WDR46: variants seen among roughly 807,000 people sequenced by gnomAD.
The protein encoded by WDR46 is WD repeat domain 46, also known as WD repeat-containing protein 46.
A neutral mutation model predicts 74.7 loss-of-function variants in WDR46; 58 were observed. That is an observed-to-expected ratio of 0.78 (90% CI 0.63 to 0.97). The LOEUF (loss-of-function observed/expected upper bound fraction) is 0.97. Ranked by LOEUF, WDR46 falls within the 50% of genes least tolerant of loss-of-function variation. The pLI is 0.00. For synonymous variants in WDR46, 278 were observed against 297.3 expected (o/e 0.93, Z 0.67); for missense variants, 702 against 790.1 (o/e 0.89, Z 1.34).
At chr6:33,286,715 C>A (rs757246152) in intron 10 of WDR46, 80 bp downstream of exon 10, 22 of 1,369,756 alleles carry the variant, frequency 1.6e-5, no homozygotes, top group Non-Finnish European at 2.2e-5. Flanking sequence ...GCTTTAGACT[C>A]TGTGCTCCTA....
At position 33,287,962 on chromosome 6, in the gene WDR46, T is replaced by C. The variant is rs761621076; in HGVS notation, c.623+3A>G. ...TTCAAGAGTCACTAGAATTCAACCT[T>C]ACCTTCCAGTTCGAGAGTAGTTTAG... On this transcript the variant is annotated splice_donor_region_variant and intron_variant, in intron 6 of 14. Coordinates refer to ENST00000374617, the MANE Select transcript of WDR46 (RefSeq NM_005452.6). 5.6e-6 allele frequency: 9 copies of C among 1,614,102 alleles called. No individual in the cohort carries two copies. The East Asian group carries it at 2.0e-4, about 36-fold the overall frequency.
In WDR46 at chr6:33,288,947, G is replaced by A. The variant is rs759255879; in HGVS notation, c.136C>T (p.Arg46Cys). ...TTAGASPGPP[R>C]NKKNRELRPQ... Reference sequence around the variant, plus strand: ...CGGAGCTCCCGATTCTTCTTGTTACGAGGAGGCCCTGGAGAGGCTCCGGCT... The same window carrying A: ...CGGAGCTCCCGATTCTTCTTGTTACAAGGAGGCCCTGGAGAGGCTCCGGCT... The change falls in exon 2 of 15, where the codon CGT (arginine) becomes TGT (cysteine). Residue 46 changes from arginine (R) to cysteine (C), a missense_variant. By Grantham distance (180) the Arg-to-Cys change is radical. Transcript: ENST00000374617. 1 of 1,613,952 alleles carries A rather than the reference G, an allele frequency of 6.2e-7. No homozygotes were observed. Among genetic ancestry groups the A allele is most frequent in the South Asian group, 1.1e-5 (1 of 91,068 alleles).
chr6:33,280,374 T>C, intron 12 of WDR46, 54 bp downstream of exon 12: 1 of 1,538,564 alleles, frequency 6.5e-7, no homozygotes. Context: ...CGGGGGAACC[T>C]GACCCTCTCC....
chr6:33,280,715 C>G lies in WDR46; in HGVS notation c.1388G>C (p.Gly463Ala). The G allele has an allele frequency of 6.3e-7, 1 of 1,597,120 alleles. No individual in the cohort carries two copies. Among genetic ancestry groups the G allele is most frequent in the East Asian group, 2.2e-5 (1 of 44,624 alleles). Reference protein sequence around the residue: ...LQFCPFEDVLGVGHTGGITSM... With the variant: ...LQFCPFEDVLAVGHTGGITSM... ...GGTGATGCCCCCAGTGTGCCCCACC[C>G]CCAGCACATCTTCAAAGGGGCAGAA... is the stretch of plus-strand genomic sequence containing the variant. Residue 463 changes from glycine (G) to alanine (A), a missense_variant, in exon 11 of 15, where the codon GGG becomes GCG. Coordinates refer to ENST00000374617, the MANE Select transcript of WDR46 (RefSeq NM_005452.6).
Position 33,287,516 on chromosome 6 carries a change from G to A in WDR46, c.729-11C>T, listed in dbSNP as rs769133182. 6.2e-7 allele frequency: 1 copy of A among 1,613,412 alleles called. No individual in the cohort carries two copies. The highest frequency in any genetic ancestry group is 8.5e-7 in the Non-Finnish European group (1 of 1,179,916). Reference sequence around the variant, plus strand: ...TCAGAATGGAGAAACCTGGGGGAGAGGAAGAGTGGTTCAATTGGGAAATGA... The same window carrying A: ...TCAGAATGGAGAAACCTGGGGGAGAAGAAGAGTGGTTCAATTGGGAAATGA... On this transcript the variant is annotated splice_polypyrimidine_tract_variant and intron_variant, in intron 7 of 14. Transcript: ENST00000374617.
rs773769013 is a variant in WDR46 at position 33,279,310 on chromosome 6, GC to G, written c.1798del (p.Ala600ProfsTer?). On this transcript the variant is annotated frameshift_variant, in exon 15 of 15. Transcript: ENST00000374617. LOFTEE classifies it high-confidence loss of function. ...AAATCTGTCCAGGGCAGATGGCCGG[GC>G]CCCCGTGGGCTTGGCCTTCGCCTCC... The part of the protein sequence containing the change: ...HKEAKAKPTG[A>X]RPSALDRFVR 6 of 1,614,090 alleles carry G rather than the reference GC, an allele frequency of 3.7e-6. No homozygotes were observed. Among genetic ancestry groups the G allele is most frequent in the Admixed American group, 1.7e-5 (1 of 60,012 alleles).
Position 33,287,501 on chromosome 6 carries a change from G to A in WDR46, c.733C>T (p.Leu245Phe), listed in dbSNP as rs1766766829. ...VMEAVRDIRF[L>F]HSEALLAVAQ... ...ACAGCAAGCAGTGCCTCAGAATGGA[G>A]AAACCTGGGGGAGAGGAAGAGTGGT... Residue 245 changes from leucine to phenylalanine, a missense_variant, in exon 8 of 15, where the codon CTC becomes TTC. Coordinates refer to ENST00000374617, the MANE Select transcript of WDR46 (RefSeq NM_005452.6). 3 of 1,613,496 alleles carry A rather than the reference G, an allele frequency of 1.9e-6. No individual in the cohort carries two copies. The highest frequency in any genetic ancestry group is 2.5e-6 in the Non-Finnish European group (3 of 1,179,938).
intron 10 of WDR46, among the ~76,000 whole-genome samples, chr6:33,285,495 C>T (rs1160076596): frequency 6.6e-6 from 1 of 152,096 alleles, no homozygotes; most frequent in East Asian, 1.9e-4. Context: ...AGGCATGAGC[C>T]ACTGTGTCCA....
chr6:33,286,654 A>G (rs1766663337), intron 10 of WDR46, 141 bp downstream of exon 10: 2 of 763,212 alleles, frequency 2.6e-6, no homozygotes, highest in Admixed American at 2.5e-5. Context: ...ATATGCCTAT[A>G]CTTGCAAGGC....
At chr6:33,287,587 C>A (rs1766778145) in intron 7 of WDR46, 27 bp downstream of exon 7, 3 of 1,613,786 alleles carry the variant, frequency 1.9e-6, no homozygotes, top group Middle Eastern at 1.6e-4. Context: ...CTCACCCCAA[C>A]TGACCGCTGA....
Position 33,288,158 on chromosome 6 carries a change from C to A in WDR46, c.551G>T (p.Ser184Ile). 2 of 1,614,246 alleles carry A rather than the reference C, an allele frequency of 1.2e-6. No homozygotes were observed. The highest frequency in any genetic ancestry group is 1.7e-6 in the Non-Finnish European group (2 of 1,180,046). Residue 184 changes from serine to isoleucine, a missense_variant, in exon 5 of 15, where the codon AGT becomes ATT. Physicochemically the swap from Ser to Ile is moderately radical, Grantham distance 142. Coordinates refer to ENST00000374617, the MANE Select transcript of WDR46 (RefSeq NM_005452.6). ...ADIVEAVDIA[S>I]AAKHFDLNLR... is the part of the protein sequence containing the mutation. The stretch of plus-strand genomic sequence containing the variant: ...CCTCCTCAGGCTCACCTTGGCTGCA[C>A]TTGCAATGTCCACAGCCTCCACAAT...
intron 10 of WDR46, among the ~76,000 whole-genome samples, chr6:33,286,153 T>TA (rs113571051): frequency 0.12 from 16,222 of 139,350 alleles, 2,392 homozygotes; most frequent in African/African-American, 0.36. Context: ...TCAAAAGATT[T>TA]AAAAAAAAAA....
rs1766806934 is a variant in WDR46, at chr6:33,287,793, G to A, written c.624-75C>T. ...TCAGACAACTTGAGGTCTGCCCCAC[G>A]CCAGCCCCATCTCTCCAGGCGGGCA... On this transcript the variant is annotated intron_variant, in intron 6 of 14. Coordinates refer to ENST00000374617, the MANE Select transcript of WDR46 (RefSeq NM_005452.6). 2.8e-5 allele frequency: 44 copies of A among 1,560,932 alleles called. No homozygotes were observed. In the South Asian group the frequency reaches 4.0e-4, roughly 14 times the overall value.
At chr6:33,279,937 G>T in intron 12 of WDR46, 78 bp from the exon 13 acceptor site, 1 of 1,426,644 alleles carries the variant, frequency 7.0e-7, no homozygotes. Flanking sequence ...CAGGGAGGCT[G>T]CTGAACCCCT....
intron 10 of WDR46, among the ~76,000 whole-genome samples, chr6:33,283,489 T>C (rs1766364059): frequency 6.6e-6 from 1 of 151,910 alleles, no homozygotes; most frequent in Non-Finnish European, 1.5e-5. Context: ...AAATTCTGGG[T>C]GACAGGAAAA....
intron 12 of WDR46, 38 bp downstream of exon 12, chr6:33,280,390 T>TG (rs759483392): frequency 6.5e-7 from 1 of 1,536,984 alleles, no homozygotes; most frequent in Non-Finnish European, 8.8e-7. Context: ...TCTCCAGCAA[T>TG]GGGGGGGATC....
chr6:33,281,832 T>C (rs1342075649), intron 10 of WDR46, among the ~76,000 whole-genome samples: 2 of 133,148 alleles, frequency 1.5e-5, no homozygotes, highest in Non-Finnish European at 3.4e-5. Context: ...CTTTCAGAAG[T>C]TGGAGTTCCT....
chr6:33,287,011 C>T (rs2150908709), intron 9 of WDR46, 80 bp downstream of exon 9: 1 of 1,588,754 alleles, frequency 6.3e-7, no homozygotes, highest in African/African-American at 1.4e-5. Context: ...AAAAGGGTAA[C>T]TTTAAGGGAC....
chr6:33,285,377 A>G lies in WDR46; in HGVS notation c.1115+1418T>C, dbSNP rs147513122. 1.8e-3 allele frequency among the ~76,000 whole-genome samples: 271 copies of G among 151,852 alleles called. 2 individuals carry two copies. The highest frequency in any genetic ancestry group is 6.1e-3 in the African/African-American group (253 of 41,412). On this transcript the variant is annotated intron_variant, in intron 10 of 14. Transcript: ENST00000374617. Reference sequence around the variant, plus strand: ...ACCACCACACCCGGCTAATTTTTCTATCTTCTGTAGAGACAGAGTTTTGCC... The same window carrying G: ...ACCACCACACCCGGCTAATTTTTCTGTCTTCTGTAGAGACAGAGTTTTGCC...
Sources: gnomAD v4.1 joint callset for allele counts (sites outside exome capture counted in the v4.1 genomes callset) on GRCh38, gnomAD v4.1.1 for gene constraint, MANE v1.5 for transcripts, NCBI Gene and HGNC (gene_info 2026-07-23, HGNC 2026-07-21) for gene names.